RIMBP2: variants seen among roughly 807,000 people sequenced by gnomAD.
The protein encoded by RIMBP2 is RIMS binding protein 2, also known as RIMS-binding protein 2.
Under a neutral mutation model 118.6 loss-of-function variants are expected in RIMBP2, and 48 were observed. That is an observed-to-expected ratio of 0.40 (90% CI 0.32 to 0.51). The LOEUF is 0.51. Among genes scored for constraint, RIMBP2 ranks in the 20% least tolerant of loss-of-function variants. RIMBP2 has a pLI of 0.41. For missense variants in RIMBP2, 1,551 were observed against 1,768.3 expected (o/e 0.88, Z 2.20); for synonymous variants, 762 against 742.9 (o/e 1.03, Z -0.42).
intron 2 of RIMBP2, among the ~76,000 whole-genome samples, chr12:130,554,545 A>T (rs543224538): frequency 1.3e-5 from 2 of 150,538 alleles, no homozygotes; most frequent in Non-Finnish European, 3.0e-5. Flanking sequence ...TAGGCTTACG[A>T]ATACAGACTA....
chr12:130,490,258 TA>T (rs34350915), intron 4 of RIMBP2, among the ~76,000 whole-genome samples: 5,486 of 149,466 alleles, frequency 0.037, 173 homozygotes, highest in South Asian at 0.14. Flanking sequence ...AATTCTAAGT[TA>T]AAAAAAAAAC....
chr12:130,693,396 T>G (rs2065423884), intron 1 of RIMBP2, among the ~76,000 whole-genome samples: 1 of 152,096 alleles, frequency 6.6e-6, no homozygotes. Flanking sequence ...ATGCCTGTGA[T>G]GGGGGGTCGC....
chr12:130,680,100 C>A (rs2064706331), intron 1 of RIMBP2, among the ~76,000 whole-genome samples: 1 of 152,258 alleles, frequency 6.6e-6, no homozygotes, highest in Admixed American at 6.5e-5. Flanking sequence ...CAAGTGAGAC[C>A]ATGCAGGCAA....
intron 4 of RIMBP2, among the ~76,000 whole-genome samples, chr12:130,488,813 A>G (rs1363457915): frequency 6.6e-6 from 1 of 152,188 alleles, no homozygotes; most frequent in Admixed American, 6.5e-5. Context: ...TGCAGAGATA[A>G]GGGGAATCAA....
intron 2 of RIMBP2, among the ~76,000 whole-genome samples, chr12:130,608,442 G>A (rs946672053): frequency 1.3e-5 from 2 of 152,242 alleles, no homozygotes; most frequent in African/African-American, 4.8e-5. Flanking sequence ...GAGACCTTCA[G>A]TCCAGGCTAC....
intron 4 of RIMBP2, among the ~76,000 whole-genome samples, chr12:130,499,288 CA>C (rs1374193484): frequency 6.6e-6 from 1 of 152,166 alleles, no homozygotes; most frequent in Non-Finnish European, 1.5e-5. Context: ...GACATAGAGC[CA>C]AACCATATCA....
rs1008615164 is a variant in RIMBP2, at chr12:130,703,937, G to T, written c.-352+12285C>A. Among the ~76,000 whole-genome samples the T allele has an allele frequency of 2.0e-5, 3 of 152,130 alleles. No individual in the cohort carries two copies. The highest frequency in any genetic ancestry group is 4.4e-5 in the Non-Finnish European group (3 of 68,014). ...AGGCAGTGCCCCAGCTGTGCTCACC[G>T]GTGAGGGGAACACACCACCTTCCTG... is the stretch of plus-strand genomic sequence containing the variant. On this transcript the variant is annotated intron_variant, in intron 1 of 22. Coordinates refer to ENST00000690449, the MANE Select transcript of RIMBP2 (RefSeq NM_001393629.1). The surrounding 1 kb of genome is among the most constrained non-coding windows in gnomAD (Gnocchi z 5.7).
chr12:130,608,487 T>A (rs934537552), intron 2 of RIMBP2, among the ~76,000 whole-genome samples: 1 of 152,348 alleles, frequency 6.6e-6, no homozygotes, highest in Admixed American at 6.5e-5. Flanking sequence ...CCCACCCTGG[T>A]GTCTCTCTAC....
At chr12:130,695,816 G>C (rs1460792917) in intron 1 of RIMBP2, among the ~76,000 whole-genome samples, 2 of 151,986 alleles carry the variant, frequency 1.3e-5, no homozygotes, top group Non-Finnish European at 2.9e-5. Context: ...GGGAAGAAGA[G>C]GTTAGGTATG....
At chr12:130,562,081 T>C (rs763117040) in intron 2 of RIMBP2, among the ~76,000 whole-genome samples, 3 of 152,180 alleles carry the variant, frequency 2.0e-5, no homozygotes, top group Non-Finnish European at 4.4e-5. Flanking sequence ...GGAGGGGAGA[T>C]ATATCATCAA....
At chr12:130,519,335 C>T (rs367961768) in intron 2 of RIMBP2, among the ~76,000 whole-genome samples, 2 of 152,224 alleles carry the variant, frequency 1.3e-5, no homozygotes, top group East Asian at 1.9e-4. Context: ...ATAATGAGCT[C>T]CGCTACTCTG....
At chr12:130,436,445 GCACA>G (rs1296094774) in intron 13 of RIMBP2, among the ~76,000 whole-genome samples, 1 of 151,910 alleles carries the variant, frequency 6.6e-6, no homozygotes, top group African/African-American at 2.4e-5. Flanking sequence ...ATATTTACAT[GCACA>G]CACACACAGA....
intron 1 of RIMBP2, among the ~76,000 whole-genome samples, chr12:130,694,903 T>C (rs1220843449): frequency 2.6e-5 from 4 of 152,174 alleles, no homozygotes; most frequent in Admixed American, 2.6e-4. Context: ...CAGCAAACAC[T>C]AACCAAATGG....
chr12:130,639,125 C>T (rs11837779), intron 1 of RIMBP2, among the ~76,000 whole-genome samples: 8,276 of 152,138 alleles, frequency 0.054, 443 homozygotes, highest in African/African-American at 0.14. Flanking sequence ...CGGTGGCTCA[C>T]GCCTGTAATC....
intron 5 of RIMBP2, among the ~76,000 whole-genome samples, chr12:130,476,417 G>A (rs1192502022): frequency 1.3e-5 from 2 of 152,192 alleles, no homozygotes; most frequent in Admixed American, 1.3e-4. Flanking sequence ...GTAGGGGGAT[G>A]AGGGCCAGTC....
At chr12:130,500,997 T>C (rs1161893667) in intron 4 of RIMBP2, among the ~76,000 whole-genome samples, 1 of 152,110 alleles carries the variant, frequency 6.6e-6, no homozygotes, top group Non-Finnish European at 1.5e-5. Context: ...CACCCGAGCA[T>C]CCAGGGGTCA....
At chr12:130,687,285 C>T (rs1198321974) in intron 1 of RIMBP2, among the ~76,000 whole-genome samples, 2 of 152,098 alleles carry the variant, frequency 1.3e-5, no homozygotes, top group Admixed American at 6.5e-5. Flanking sequence ...TATTTGTCCC[C>T]GAAAGATGTA....
intron 2 of RIMBP2, among the ~76,000 whole-genome samples, chr12:130,555,888 C>T (rs560500877): frequency 6.6e-5 from 10 of 152,318 alleles, no homozygotes; most frequent in Admixed American, 6.5e-4. Context: ...TCATGAAAGG[C>T]AGCCGTGCAG....
At chr12:130,476,459 C>T (rs2081437168) in intron 5 of RIMBP2, among the ~76,000 whole-genome samples, 1 of 152,138 alleles carries the variant, frequency 6.6e-6, no homozygotes, top group Non-Finnish European at 1.5e-5. Flanking sequence ...GGTGCAGGCA[C>T]CACTGCCTGG....
Sources: allele counts gnomAD v4.1 joint callset (sites outside exome capture counted in the v4.1 genomes callset), GRCh38; gene constraint gnomAD v4.1.1; non-coding constraint Gnocchi (gnomAD v3.1); transcripts MANE v1.5; gene names NCBI Gene and HGNC (gene_info 2026-07-23, HGNC 2026-07-21).